The following ARHGEF3 variants were observed in gnomAD, a reference collection of about 807,000 sequenced individuals.
ARHGEF3 encodes 59.8 kDA protein.
Under a neutral mutation model 63.2 loss-of-function variants are expected in ARHGEF3, and 28 were observed. The observed-to-expected ratio is 0.44, with a 90% CI of 0.33 to 0.61. ARHGEF3 has a LOEUF of 0.61. Among genes scored for constraint, ARHGEF3 ranks in the 20% least tolerant of loss-of-function variants. The pLI is 0.03. For synonymous variants in ARHGEF3, 266 were observed against 254.2 expected, an observed-to-expected ratio of 1.05 and a Z score of -0.44; for missense variants, 533 against 659.3, an observed-to-expected ratio of 0.81 and a Z score of 2.10.
chr3:56,914,048 A>G (rs940334949), intron 3 of ARHGEF3, among the ~76,000 whole-genome samples: 1 of 152,202 alleles, frequency 6.6e-6, no homozygotes, highest in African/African-American at 2.4e-5. Context: ...ACAACGTATG[A>G]TCTCACTGAT....
intron 8 of ARHGEF3, among the ~76,000 whole-genome samples, chr3:56,735,145 G>A (rs1462630744): frequency 1.3e-5 from 2 of 152,130 alleles, no homozygotes; most frequent in Admixed American, 1.3e-4. Context: ...TTAGCCAAGC[G>A]TGGTGTTGGG....
At chr3:56,930,485 C>T (rs192992655) in intron 3 of ARHGEF3, among the ~76,000 whole-genome samples, 5 of 151,990 alleles carry the variant, frequency 3.3e-5, no homozygotes, top group Non-Finnish European at 7.4e-5. Context: ...GTGTTTCTTC[C>T]AGCAACACAC....
At chr3:56,923,442 C>A (rs1380221014) in intron 3 of ARHGEF3, among the ~76,000 whole-genome samples, 1 of 151,776 alleles carries the variant, frequency 6.6e-6, no homozygotes, top group Non-Finnish European at 1.5e-5. Flanking sequence ...AGTACCAAAT[C>A]TGAAATCCAG....
intron 2 of ARHGEF3, among the ~76,000 whole-genome samples, chr3:56,768,765 T>C (rs1015986515): frequency 6.6e-6 from 1 of 150,864 alleles, no homozygotes; most frequent in Non-Finnish European, 1.5e-5. Flanking sequence ...AAGGTGCAAC[T>C]CCCCCAGGAG....
At chr3:57,078,166 G>A (rs950910631) in intron 1 of ARHGEF3, among the ~76,000 whole-genome samples, 8 of 152,174 alleles carry the variant, frequency 5.3e-5, no homozygotes, top group Admixed American at 1.3e-4. Context: ...GAAAACTGAG[G>A]CATAGGTAAG....
chr3:56,830,399 C>T (rs1436648979), intron 4 of ARHGEF3, among the ~76,000 whole-genome samples: 1 of 152,156 alleles, frequency 6.6e-6, no homozygotes, highest in Admixed American at 6.6e-5. Flanking sequence ...CCAACTACTT[C>T]TCTTCACCTT....
At chr3:56,756,054 C>A (rs1344256511) in intron 2 of ARHGEF3, among the ~76,000 whole-genome samples, 1 of 152,216 alleles carries the variant, frequency 6.6e-6, no homozygotes, top group Admixed American at 6.5e-5. Context: ...ACCATCTTTG[C>A]AGCACATGAT....
Position 56,729,357 on chromosome 3 carries a change from G to A in ARHGEF3, c.1494C>T (p.Asp498=). The A allele has an allele frequency of 1.2e-6, 2 of 1,614,048 alleles. No homozygotes were observed. The highest frequency in any genetic ancestry group is 1.7e-6 in the Non-Finnish European group (2 of 1,180,016). ...CACAGTCGAGGCTGACCTCACTCGT[G>A]TCCATACTACAGTCTGACTCACTGT... ...QSDSESDCSM[D]TSEVSLDCER... is the part of the protein sequence containing the mutation. Residue 498 remains aspartate, a synonymous_variant, in exon 10 of 10, where the codon GAC becomes GAT. Transcript: ENST00000296315.
intron 1 of ARHGEF3, among the ~76,000 whole-genome samples, chr3:57,068,178 C>CAA (rs1705675338): frequency 6.6e-6 from 1 of 151,594 alleles, no homozygotes; most frequent in Non-Finnish European, 1.5e-5. Flanking sequence ...TACACACACA[C>CAA]ACACACACAC....
At chr3:56,762,394 TAATGCAGATTGAGGA>T (rs1210305678) in intron 2 of ARHGEF3, among the ~76,000 whole-genome samples, 1 of 152,000 alleles carries the variant, frequency 6.6e-6, no homozygotes, top group Non-Finnish European at 1.5e-5. Context: ...AAAACAGAGA[TAATGCAGATTGAGGA>T]AATGGTGCTC....
At chr3:57,035,033 T>C (rs1485826433) in intron 2 of ARHGEF3, 26 of 1,389,674 alleles carry the variant, frequency 1.9e-5, no homozygotes, top group Middle Eastern at 2.5e-4. Context: ...CATTTAATTG[T>C]TGCATACAGG....
At chr3:56,913,238 T>C (rs948363769) in intron 3 of ARHGEF3, among the ~76,000 whole-genome samples, 8 of 151,940 alleles carry the variant, frequency 5.3e-5, no homozygotes, top group African/African-American at 1.9e-4. Flanking sequence ...GGATAATATA[T>C]TTGCATATAA....
intron 4 of ARHGEF3, among the ~76,000 whole-genome samples, chr3:56,824,935 AAAGAGTG>A (rs2038655739): frequency 6.6e-6 from 1 of 152,224 alleles, no homozygotes; most frequent in Non-Finnish European, 1.5e-5. Flanking sequence ...TACCTGTAAA[AAAGAGTG>A]AAGAAACTCT....
At chr3:56,866,358 A>G (rs2040247476) in intron 4 of ARHGEF3, among the ~76,000 whole-genome samples, 1 of 152,216 alleles carries the variant, frequency 6.6e-6, no homozygotes, top group South Asian at 2.1e-4. Flanking sequence ...CAAGCTAAAC[A>G]CACAGGGTAA....
chr3:56,857,748 G>C (rs1269804557), intron 4 of ARHGEF3, among the ~76,000 whole-genome samples: 1 of 152,054 alleles, frequency 6.6e-6, no homozygotes, highest in Non-Finnish European at 1.5e-5. Context: ...TTGCTCTTTG[G>C]TTCTTTTTTA....
intron 4 of ARHGEF3, among the ~76,000 whole-genome samples, chr3:56,881,759 TAA>T (rs1042290135): frequency 6.6e-6 from 1 of 152,222 alleles, no homozygotes; most frequent in African/African-American, 2.4e-5. Context: ...TTTGTCAGGT[TAA>T]GTCTTTTCAT....
rs561357432 is a variant in ARHGEF3 at position 57,068,150 on chromosome 3, T to C, written c.-28+11076A>G. The stretch of plus-strand genomic sequence containing the variant: ...CTATTGTTTCACCAAATAATTCAGA[T>C]ATGCGCGCACACACACATACACACA... On this transcript the variant is annotated intron_variant, in intron 1 of 12. Coordinates refer to the ARHGEF3 transcript ENST00000338458. Among the ~76,000 whole-genome samples, 3 of 113,148 alleles carry C rather than the reference T, an allele frequency of 2.7e-5. No individual in the cohort carries two copies. In the South Asian group the frequency reaches 9.3e-4, roughly 35 times the overall value. The allele number at this position is 113,148 out of a possible 152,430, so 74.2% of individuals were successfully genotyped here. A position where few individuals can be genotyped will look rare whatever the true frequency, so the allele number is the denominator to read the frequency against.
intron 1 of ARHGEF3, among the ~76,000 whole-genome samples, chr3:56,789,045 T>G (rs990193237): frequency 2.5e-4 from 38 of 149,874 alleles, no homozygotes; most frequent in Admixed American, 1.5e-3. Context: ...CTGCTGCTGC[T>G]GCTGCTGCTG....
intron 3 of ARHGEF3, among the ~76,000 whole-genome samples, chr3:56,943,475 C>T (rs1699291437): frequency 6.6e-6 from 1 of 152,192 alleles, no homozygotes; most frequent in Non-Finnish European, 1.5e-5. Context: ...TATTACTGCT[C>T]ACTGACAATG....
Sources: gnomAD v4.1 joint callset for allele counts (sites outside exome capture counted in the v4.1 genomes callset) on GRCh38, gnomAD v4.1.1 for gene constraint, MANE v1.5 for transcripts, NCBI Gene and HGNC (gene_info 2026-07-23, HGNC 2026-07-21) for gene names.